Variants in BTBD7 observed in about 807,000 individuals in gnomAD.
BTBD7 encodes BTB domain containing 7.
In BTBD7, 38 loss-of-function variants were observed where a neutral mutation model predicts 99.9. That is an observed-to-expected ratio of 0.38 (90% confidence interval 0.29 to 0.50). The LOEUF (loss-of-function observed/expected upper bound fraction) is 0.50, where lower values mean the gene tolerates loss of function less well. Ranked by LOEUF, BTBD7 falls within the 20% of genes least tolerant of loss-of-function variation. BTBD7 has a pLI of 0.93. For missense variants in BTBD7, 1,170 were observed against 1,394.6 expected, an observed-to-expected ratio of 0.84 and a Z score of 2.57; for synonymous variants, 520 against 511.4, an observed-to-expected ratio of 1.02 and a Z score of -0.23.
At chr14:93,243,178 A>G (rs1017789961) in intron 10 of BTBD7, 90 bp from the exon 11 acceptor site, 11 of 1,250,758 alleles carry the variant, frequency 8.8e-6, no homozygotes, top group Admixed American at 2.5e-5. Context: ...TCCCAATTAT[A>G]AAATTAACAC....
chr14:93,328,421 A>G (rs1267981379), intron 1 of BTBD7, among the ~76,000 whole-genome samples: 1 of 152,150 alleles, frequency 6.6e-6, no homozygotes, highest in Non-Finnish European at 1.5e-5. Flanking sequence ...TTATGGACCA[A>G]TGGAATAGAA....
At chr14:93,261,855 C>T (rs2052492740) in intron 4 of BTBD7, among the ~76,000 whole-genome samples, 178 bp from the exon 5 acceptor site, 1 of 152,222 alleles carries the variant, frequency 6.6e-6, no homozygotes, top group South Asian at 2.1e-4. Flanking sequence ...ATATACAAGA[C>T]TGCATTACAT....
At chr14:93,319,520 G>C (rs1244761400) in intron 1 of BTBD7, among the ~76,000 whole-genome samples, 2 of 152,154 alleles carry the variant, frequency 1.3e-5, no homozygotes, top group African/African-American at 2.4e-5. Flanking sequence ...GTCACAGAAA[G>C]ACAAATACTA....
chr14:93,297,254 T>C (rs910843964), intron 1 of BTBD7, among the ~76,000 whole-genome samples: 1 of 152,270 alleles, frequency 6.6e-6, no homozygotes, highest in African/African-American at 2.4e-5. Flanking sequence ...CATAACCTTA[T>C]GAATTCATGT....
intron 3 of BTBD7, among the ~76,000 whole-genome samples, chr14:93,290,402 C>T (rs1366975688): frequency 2.7e-5 from 4 of 147,508 alleles, no homozygotes; most frequent in African/African-American, 7.5e-5. Context: ...TTAGTAGAGA[C>T]GGGGTTTCAC....
At chr14:93,268,277 G>A (rs1167086951) in intron 3 of BTBD7, among the ~76,000 whole-genome samples, 1 of 152,284 alleles carries the variant, frequency 6.6e-6, no homozygotes, top group Non-Finnish European at 1.5e-5. Flanking sequence ...TAGGTCAGGT[G>A]TTCCTCCTAT....
intron 3 of BTBD7, among the ~76,000 whole-genome samples, chr14:93,274,882 G>A (rs912862446): frequency 2.0e-5 from 3 of 152,156 alleles, no homozygotes; most frequent in African/African-American, 7.2e-5. Flanking sequence ...TGGATTCCAG[G>A]TTACCTTTCT....
At position 93,293,421 on chromosome 14, in the gene BTBD7, C is replaced by T. The variant is rs180926156; in HGVS notation, c.1162+437G>A. On this transcript the variant is annotated intron_variant, in intron 3 of 10. Coordinates refer to ENST00000334746, the MANE Select transcript of BTBD7 (RefSeq NM_001002860.4). ...TGCCCAATTCTGATTCAACTAAATT[C>T]GTATCTAAATGTGACTATCTTCATT... 3.2e-3 allele frequency among the ~76,000 whole-genome samples: 489 copies of T among 152,240 alleles called. 2 individuals are homozygous for T. The highest frequency in any genetic ancestry group is 5.8e-3 in the Non-Finnish European group (393 of 67,998).
chr14:93,296,114 A>T lies in BTBD7; in HGVS notation c.-63T>A. On this transcript the variant is annotated 5_prime_UTR_variant, in exon 2 of 11. Coordinates refer to ENST00000334746, the MANE Select transcript of BTBD7 (RefSeq NM_001002860.4). ...TCAGAGTATAATCCCAGAGGCCTTT[A>T]TGAACCTTCAACCCTGGATCCAGCA... 1 of 1,565,314 alleles carries T rather than the reference A, an allele frequency of 6.4e-7. No individual in the cohort carries two copies. Among genetic ancestry groups the T allele is most frequent in the Non-Finnish European group, 8.7e-7 (1 of 1,153,892 alleles).
intron 3 of BTBD7, among the ~76,000 whole-genome samples, chr14:93,283,744 G>A (rs531129909): frequency 2.5e-4 from 38 of 152,204 alleles, no homozygotes; most frequent in African/African-American, 8.9e-4. Context: ...TAGAGATGGG[G>A]TTTCACTATG....
chr14:93,285,782 T>C (rs1392879847), intron 3 of BTBD7, among the ~76,000 whole-genome samples: 8 of 152,204 alleles, frequency 5.3e-5, no homozygotes, highest in Non-Finnish European at 1.0e-4. Context: ...GTCATCTCTT[T>C]TGGAGTTTTA....
intron 1 of BTBD7, among the ~76,000 whole-genome samples, chr14:93,323,063 C>T (rs903508164): frequency 5.9e-5 from 9 of 152,004 alleles, no homozygotes; most frequent in Admixed American, 6.6e-5. Flanking sequence ...TTTGAGGCTG[C>T]GGTGAGCTAT....
rs576980937 is a variant in BTBD7, at chr14:93,274,853, C to T, written c.1163-10860G>A. On this transcript the variant is annotated intron_variant, in intron 3 of 10. Transcript: ENST00000334746. Reference sequence around the variant, plus strand: ...ATTGCCACTCTAGATTTTGGTCAAACTAATGGGTCATTCAGCCCTGGATTC... The same window carrying T: ...ATTGCCACTCTAGATTTTGGTCAAATTAATGGGTCATTCAGCCCTGGATTC... Among the ~76,000 whole-genome samples the T allele has an allele frequency of 1.9e-3, 285 of 152,316 alleles. 1 individual carries two copies. Among genetic ancestry groups the T allele is most frequent in the African/African-American group, 6.5e-3 (272 of 41,576 alleles).
chr14:93,242,219 C>A lies in BTBD7; in HGVS notation c.*54G>T, dbSNP rs979543752. 7 of 1,517,414 alleles carry A rather than the reference C, an allele frequency of 4.6e-6. No homozygotes were observed. The highest frequency in any genetic ancestry group is 6.3e-6 in the Non-Finnish European group (7 of 1,108,084). The allele number at this position is 1,517,414 out of a possible 1,614,324, so 94.0% of individuals were successfully genotyped here. A position where few individuals can be genotyped will look rare whatever the true frequency, so the allele number is the denominator to read the frequency against. ...AACTGGTCTGTAAGTTGTTGGGTTA[C>A]ATCATAAAATGGGATGTTTCACATC... is the stretch of plus-strand genomic sequence containing the variant. On this transcript the variant is annotated 3_prime_UTR_variant, in exon 11 of 11. Coordinates refer to ENST00000334746, the MANE Select transcript of BTBD7 (RefSeq NM_001002860.4).
intron 1 of BTBD7, among the ~76,000 whole-genome samples, chr14:93,309,965 GT>G (rs5810627): frequency 1.2e-4 from 18 of 151,346 alleles, no homozygotes; most frequent in East Asian, 3.9e-4. Flanking sequence ...ATTGGCAGGT[GT>G]TTTTTTTTCC....
chr14:93,248,673 T>A lies in BTBD7; in HGVS notation c.1943-19A>T, dbSNP rs1192874624. 3.8e-6 allele frequency: 6 copies of A among 1,571,292 alleles called. No individual in the cohort carries two copies. The highest frequency in any genetic ancestry group is 4.3e-6 in the Non-Finnish European group (5 of 1,159,686). ...CGAGGAACTGGAAGGAGAACAACAG[T>A]GGGCAAGCAAAATTCCTGAGCTACA... On this transcript the variant is annotated intron_variant, in intron 8 of 10. Coordinates refer to ENST00000334746, the MANE Select transcript of BTBD7 (RefSeq NM_001002860.4).
intron 3 of BTBD7, among the ~76,000 whole-genome samples, chr14:93,281,636 T>C (rs1403584441): frequency 6.6e-6 from 1 of 152,176 alleles, no homozygotes; most frequent in African/African-American, 2.4e-5. Flanking sequence ...TTATTAAGTA[T>C]GAAAAAAAGT....
At chr14:93,322,964 T>A (rs779568755) in intron 1 of BTBD7, among the ~76,000 whole-genome samples, 1 of 151,384 alleles carries the variant, frequency 6.6e-6, no homozygotes, top group Non-Finnish European at 1.5e-5. Context: ...CAAAAAAAAA[T>A]GTTTACAAAT....
chr14:93,280,635 A>G (rs879778398), intron 3 of BTBD7, among the ~76,000 whole-genome samples: 1 of 152,188 alleles, frequency 6.6e-6, no homozygotes, highest in Non-Finnish European at 1.5e-5. Context: ...ACAGAGCTCA[A>G]AGTCTTTTAA....
Sources: gnomAD v4.1 joint callset for allele counts (sites outside exome capture counted in the v4.1 genomes callset) on GRCh38, gnomAD v4.1.1 for gene constraint, MANE v1.5 for transcripts, NCBI Gene and HGNC (gene_info 2026-07-23, HGNC 2026-07-21) for gene names.